ORMDL1: variants seen among roughly 807,000 people sequenced by gnomAD.
The protein encoded by ORMDL1 is ORMDL sphingolipid biosynthesis regulator 1, also known as ORM1-like protein 1.
ORMDL1 carries 10 observed loss-of-function variants against 13.0 expected under a neutral mutation model. That is an observed-to-expected ratio of 0.77 (90% confidence interval 0.47 to 1.30). The LOEUF (loss-of-function observed/expected upper bound fraction) is 1.30. Ranked by LOEUF, ORMDL1 falls within the 50% of genes most tolerant of loss-of-function variation. The probability of loss-of-function intolerance (pLI) is 0.00; values close to 1 mark genes in which losing one functional copy is unlikely to be tolerated. For missense variants in ORMDL1, 171 were observed against 186.7 expected, an observed-to-expected ratio of 0.92 and a Z score of 0.49; for synonymous variants, 61 against 63.9, an observed-to-expected ratio of 0.95 and a Z score of 0.22.
At chr2:189,780,291 C>A (rs2106155115) in intron 3 of ORMDL1, among the ~76,000 whole-genome samples, 1 of 152,296 alleles carries the variant, frequency 6.6e-6, no homozygotes, top group South Asian at 2.1e-4. Flanking sequence ...AAAAAAGTTT[C>A]TAATTTTAGA....
chr2:189,771,230 CAAA>C lies in ORMDL1; in HGVS notation c.*534_*536del, dbSNP rs1296698949. On this transcript the variant is annotated 3_prime_UTR_variant, in exon 5 of 5. Coordinates refer to ENST00000392349, the MANE Select transcript of ORMDL1 (RefSeq NM_016467.5). ...ATACACAATATTAAGCCAGCAAAAC[CAAA>C]AAAGTACCCTCATAAGTGGGAACTG... 7 of 151,956 alleles carry C rather than the reference CAAA, an allele frequency of 4.6e-5. No individual in the cohort carries two copies. Among genetic ancestry groups the C allele is most frequent in the African/African-American group, 1.7e-4 (7 of 41,374 alleles). 9.4% of individuals were successfully genotyped at this position (151,956 alleles called of 1,614,324 possible). A position where few individuals can be genotyped will look rare whatever the true frequency, so the allele number is the denominator to read the frequency against.
chr2:189,766,768 A>G (rs2047490038), downstream of ORMDL1, among the ~76,000 whole-genome samples: 1 of 151,980 alleles, frequency 6.6e-6, no homozygotes, highest in Admixed American at 6.6e-5. Context: ...ATAAGCTCCC[A>G]TTCCTTCTGC....
In ORMDL1 at chr2:189,775,686, C is replaced by T. The variant is rs1162031701; in HGVS notation, c.205G>A (p.Gly69Arg). The T allele has an allele frequency of 1.2e-6, 2 of 1,613,536 alleles. No homozygotes were observed. Among genetic ancestry groups the T allele is most frequent in the Non-Finnish European group, 1.7e-6 (2 of 1,179,798 alleles). The change falls in exon 4 of 5, where the codon GGA (glycine) becomes AGA (arginine). Residue 69 changes from glycine to arginine, a missense_variant. Transcript: ENST00000392349. ...TGGTCAGGAGTTTCGAAAGGTGTTC[C>T]TTTCACTGCATGCAAAAATACGTAC... ...GMYVFLHAVK[G>R]TPFETPDQGK...
Position 189,775,663 on chromosome 2 carries a change from G to A in ORMDL1, c.228C>T (p.Asp76=). ...GAGTTAGGAGCCTTGCTTTACCCTG[G>A]TCAGGAGTTTCGAAAGGTGTTCCTT... is the stretch of plus-strand genomic sequence containing the variant. ...AVKGTPFETP[D]QGKARLLTHW... is the part of the protein sequence containing the mutation. The change falls in exon 4 of 5, where the codon GAC becomes GAT. Residue 76 remains aspartate, a synonymous_variant. Coordinates refer to ENST00000392349, the MANE Select transcript of ORMDL1 (RefSeq NM_016467.5). The A allele has an allele frequency of 6.2e-7, 1 of 1,613,936 alleles. No individual in the cohort carries two copies. The highest frequency in any genetic ancestry group is 1.3e-5 in the African/African-American group (1 of 75,028).
chr2:189,776,539 T>C (rs995699095), intron 3 of ORMDL1, among the ~76,000 whole-genome samples: 1 of 152,152 alleles, frequency 6.6e-6, no homozygotes, highest in African/African-American at 2.4e-5. Flanking sequence ...GCCTAAATAT[T>C]ATCATGACAC....
chr2:189,775,596 G>T lies in ORMDL1; in HGVS notation c.295C>A (p.Arg99=). Residue 99 remains arginine (R), a synonymous_variant, in exon 4 of 5, where the codon CGG becomes AGG. Transcript: ENST00000392349. ...ATTGGAGAAATTGTGAAAAACTTCC[G>T]TGAAGATGTAAACTGTACTCCATAG... ...LDYGVQFTSS[R]KFFTISPIIL... is the part of the protein sequence containing the mutation. The T allele has an allele frequency of 6.2e-7, 1 of 1,606,098 alleles. No individual in the cohort carries two copies. The highest frequency in any genetic ancestry group is 8.5e-7 in the Non-Finnish European group (1 of 1,176,634).
intron 4 of ORMDL1, 82 bp downstream of exon 4, chr2:189,775,483 T>C (rs2106146451): frequency 7.1e-7 from 1 of 1,400,016 alleles, no homozygotes; most frequent in East Asian, 2.4e-5. Flanking sequence ...ACAAAATATG[T>C]TTCTAATTCC....
chr2:189,768,172 T>A (rs2047513882), downstream of ORMDL1, among the ~76,000 whole-genome samples: 1 of 152,236 alleles, frequency 6.6e-6, no homozygotes, highest in African/African-American at 2.4e-5. Context: ...TCTCTGCTAT[T>A]CTACTTACCT....
At position 189,771,589 on chromosome 2, in the gene ORMDL1, A is replaced by C; in HGVS notation, c.*178T>G. 1 of 530,394 alleles carries C rather than the reference A, an allele frequency of 1.9e-6. No individual in the cohort carries two copies. The highest frequency in any genetic ancestry group is 3.2e-6 in the Non-Finnish European group (1 of 315,370). 32.9% of individuals were successfully genotyped at this position (530,394 alleles called of 1,614,324 possible). ...CAGAAATGTACCAGGTGTATTAAAC[A>C]GAGGCATCATTTAATGGAAATCTGC... On this transcript the variant is annotated 3_prime_UTR_variant, in exon 5 of 5. Transcript: ENST00000392349.
rs1412319400 is a variant in ORMDL1, at chr2:189,770,485, C to A, written c.*1282G>T. On this transcript the variant is annotated 3_prime_UTR_variant, in exon 5 of 5. Coordinates refer to ENST00000392349, the MANE Select transcript of ORMDL1 (RefSeq NM_016467.5). ...ATCATTACCCCCAAAAGTCAGTTTA[C>A]TGACACGAATTGATGTTTAAGTTGG... 1 of 152,180 alleles carries A rather than the reference C, an allele frequency of 6.6e-6. No individual in the cohort carries two copies. Among genetic ancestry groups the A allele is most frequent in the Non-Finnish European group, 1.5e-5 (1 of 68,022 alleles). 9.4% of individuals were successfully genotyped at this position (152,180 alleles called of 1,614,324 possible).
At chr2:189,782,702 T>G in intron 2 of ORMDL1, 100 bp from the exon 3 acceptor site, 1 of 1,130,680 alleles carries the variant, frequency 8.8e-7, no homozygotes, top group Non-Finnish European at 1.3e-6. Context: ...GATTATTTTT[T>G]CCTAGTTACT....
At chr2:189,766,583 T>A (rs146273912), downstream of ORMDL1, among the ~76,000 whole-genome samples, 4 of 152,124 alleles carry the variant, frequency 2.6e-5, no homozygotes, top group African/African-American at 7.2e-5. Context: ...AATTAGCTGG[T>A]TGTGGTGATG....
intron 3 of ORMDL1, among the ~76,000 whole-genome samples, chr2:189,780,624 G>T (rs2106155587): frequency 6.6e-6 from 1 of 152,214 alleles, no homozygotes; most frequent in Non-Finnish European, 1.5e-5. Flanking sequence ...CTTGGGAATA[G>T]AAATATTTAA....
rs2047581337 is a variant in ORMDL1 at position 189,771,639 on chromosome 2, C to A, written c.*128G>T. The A allele has an allele frequency of 1.3e-6, 1 of 767,072 alleles. No homozygotes were observed. The highest frequency in any genetic ancestry group is 2.0e-6 in the Non-Finnish European group (1 of 510,780). 47.5% of individuals were successfully genotyped at this position (767,072 alleles called of 1,614,324 possible). On this transcript the variant is annotated 3_prime_UTR_variant, in exon 5 of 5. Coordinates refer to ENST00000392349, the MANE Select transcript of ORMDL1 (RefSeq NM_016467.5). ...CACTTCAAAACAGCACTTGAAGGAC[C>A]AGCCATTGGCCCTCCAATGTAAATA...
chr2:189,766,525 C>T (rs554229985), downstream of ORMDL1, among the ~76,000 whole-genome samples: 39 of 152,136 alleles, frequency 2.6e-4, no homozygotes, highest in Non-Finnish European at 4.3e-4. Context: ...GTCAGGAGTT[C>T]GAGACCAGCC....
At chr2:189,767,391 G>T (rs1408976505), downstream of ORMDL1, among the ~76,000 whole-genome samples, 7 of 152,044 alleles carry the variant, frequency 4.6e-5, no homozygotes, top group Admixed American at 1.3e-4. Context: ...TGTTCCCCCT[G>T]TAAAAATTAT....
In ORMDL1 at chr2:189,782,660, A is replaced by G. The variant is rs371528724; in HGVS notation, c.-7-58T>C. ...TACAACTGGCAACCTAACACCCCCA[A>G]TTCTGACATGACAAGGTACCTGTGT... On this transcript the variant is annotated intron_variant, in intron 2 of 4. Transcript: ENST00000392349. The G allele has an allele frequency of 3.4e-6, 5 of 1,478,444 alleles. No homozygotes were observed. In the South Asian group the frequency reaches 3.6e-5, roughly 11 times the overall value. 91.6% of individuals were successfully genotyped at this position (1,478,444 alleles called of 1,614,324 possible).
chr2:189,769,811 A>G (rs2047541364), downstream of ORMDL1, among the ~76,000 whole-genome samples: 1 of 152,232 alleles, frequency 6.6e-6, no homozygotes, highest in African/African-American at 2.4e-5. Flanking sequence ...AGAACTCCAC[A>G]ATAGTAATTG....
At chr2:189,764,447 T>A in the ORMDL1 span, 5 of 152,248 alleles carry the variant, frequency 3.3e-5, no homozygotes, top group African/African-American at 7.2e-5. Context: ...GCTGTTATTA[T>A]GTGAAACAGG....
Sources: allele counts gnomAD v4.1 joint callset (sites outside exome capture counted in the v4.1 genomes callset), GRCh38; gene constraint gnomAD v4.1.1; transcripts MANE v1.5; gene names NCBI Gene and HGNC (gene_info 2026-07-23, HGNC 2026-07-21).